Variants in XRN1 observed in about 807,000 individuals in gnomAD.
The protein encoded by XRN1 is 5'-3' exoribonuclease 1, also known as strand-exchange protein 1 homolog.
XRN1 carries 67 observed loss-of-function variants against 222.3 expected under a neutral mutation model. That is an observed-to-expected ratio of 0.30 (90% CI 0.25 to 0.37). XRN1 has a LOEUF of 0.37. XRN1 is among the 10% of genes least tolerant of loss of function. XRN1 has a pLI of 1.00. For synonymous variants in XRN1, 643 were observed against 652.4 expected (o/e 0.99, Z 0.22); for missense variants, 1,707 against 2,000.2 (o/e 0.85, Z 2.80).
At chr3:142,350,178 G>A (rs1042540120) in intron 32 of XRN1, among the ~76,000 whole-genome samples, 15 of 152,166 alleles carry the variant, frequency 9.9e-5, no homozygotes, top group African/African-American at 3.6e-4. Context: ...CCCTGGAGCT[G>A]TATATATTCC....
chr3:142,337,611 G>A (rs939099981), intron 33 of XRN1, among the ~76,000 whole-genome samples: 2 of 152,138 alleles, frequency 1.3e-5, no homozygotes, highest in Non-Finnish European at 2.9e-5. Flanking sequence ...AACTGTGCCT[G>A]AACACAGTAG....
At chr3:142,371,422 T>C in intron 25 of XRN1, 94 bp from the exon 26 acceptor site, 3 of 893,310 alleles carry the variant, frequency 3.4e-6, no homozygotes, top group Admixed American at 2.6e-5. Flanking sequence ...AAGAAACATA[T>C]AAAGCTTATT....
chr3:142,368,395 C>T (rs146907210), intron 27 of XRN1, among the ~76,000 whole-genome samples: 1,638 of 152,156 alleles, frequency 0.011, 22 homozygotes, highest in African/African-American at 0.036. Context: ...GTGATCCACC[C>T]GCCTTGGCCT....
intron 39 of XRN1, among the ~76,000 whole-genome samples, chr3:142,316,880 C>A (rs756899807): frequency 6.6e-6 from 1 of 151,448 alleles, no homozygotes; most frequent in Admixed American, 6.6e-5. Flanking sequence ...CCAGCCTGGG[C>A]AACATAGTGA....
rs1212095008 is a variant in XRN1 at position 142,310,811 on chromosome 3, T to C, written c.*700A>G. On this transcript the variant is annotated 3_prime_UTR_variant, in exon 41 of 41. Transcript: ENST00000392981. ...GCTGGTTCTTGAGTAACCTAAAAAA[T>C]TGTATTTACTCAAATTTAGAATGCT... 1 of 152,594 alleles carries C rather than the reference T, an allele frequency of 6.6e-6. No homozygotes were observed. Among genetic ancestry groups the C allele is most frequent in the African/African-American group, 2.4e-5 (1 of 41,440 alleles). 9.5% of individuals were successfully genotyped at this position (152,594 alleles called of 1,614,324 possible). A position where few individuals can be genotyped will look rare whatever the true frequency, so the allele number is the denominator to read the frequency against.
chr3:142,420,958 A>G lies in XRN1; in HGVS notation c.1173+58T>C. 12 of 1,599,310 alleles carry G rather than the reference A, an allele frequency of 7.5e-6. No homozygotes were observed. The South Asian group carries it at 1.3e-4, about 18-fold the overall frequency. On this transcript the variant is annotated intron_variant, in intron 10 of 40. Coordinates refer to ENST00000392981, the MANE Select transcript of XRN1 (RefSeq NM_001282857.2). ...ATAAGAAGGAAAATGAGAAACAAAGAATATAATTTTTGCCTTTACAGTTAA... is the reference window on the plus strand; with the variant it reads ...ATAAGAAGGAAAATGAGAAACAAAGGATATAATTTTTGCCTTTACAGTTAA...
intron 25 of XRN1, among the ~76,000 whole-genome samples, chr3:142,375,488 C>A (rs1161325710): frequency 6.6e-6 from 1 of 152,098 alleles, no homozygotes; most frequent in Non-Finnish European, 1.5e-5. Flanking sequence ...TTTGTTTATC[C>A]ATATCAGTTC....
At chr3:142,394,888 G>C (rs150709754) in intron 20 of XRN1, among the ~76,000 whole-genome samples, 2 of 152,284 alleles carry the variant, frequency 1.3e-5, no homozygotes, top group African/African-American at 2.4e-5. Flanking sequence ...TATGTGCTTA[G>C]AGGGTTTCTC....
intron 25 of XRN1, among the ~76,000 whole-genome samples, chr3:142,374,899 C>G (rs1360546209): frequency 6.6e-6 from 1 of 152,128 alleles, no homozygotes; most frequent in Non-Finnish European, 1.5e-5. Flanking sequence ...TCTGATCTGA[C>G]TGGTGTTCTT....
chr3:142,319,187 T>C (rs1481268742), intron 37 of XRN1, among the ~76,000 whole-genome samples: 1 of 152,136 alleles, frequency 6.6e-6, no homozygotes, highest in Non-Finnish European at 1.5e-5. Context: ...AACTATGGAG[T>C]TCTGCCTCTT....
At chr3:142,368,161 T>G (rs375510062) in intron 27 of XRN1, among the ~76,000 whole-genome samples, 1 of 151,788 alleles carries the variant, frequency 6.6e-6, no homozygotes, top group East Asian at 1.9e-4. Context: ...CATATATATA[T>G]AAAATGATAT....
intron 2 of XRN1, among the ~76,000 whole-genome samples, chr3:142,429,292 GACC>G (rs2069413009): frequency 6.6e-6 from 1 of 151,320 alleles, no homozygotes; most frequent in African/African-American, 2.4e-5. Context: ...GATTACAGGC[GACC>G]ACCACCACAC....
chr3:142,323,017 G>A (rs1215646398), intron 37 of XRN1, among the ~76,000 whole-genome samples: 2 of 152,044 alleles, frequency 1.3e-5, no homozygotes, highest in African/African-American at 4.8e-5. Context: ...ATAAAGAGAT[G>A]AGGTCTTGCC....
intron 20 of XRN1, among the ~76,000 whole-genome samples, chr3:142,391,387 C>G (rs2067704956): frequency 6.6e-6 from 1 of 152,050 alleles, no homozygotes; most frequent in Non-Finnish European, 1.5e-5. Flanking sequence ...TTTACTTTTT[C>G]TTTTACTATA....
intron 1 of XRN1, among the ~76,000 whole-genome samples, chr3:142,443,714 C>T (rs775024924): frequency 1.3e-5 from 2 of 152,216 alleles, no homozygotes; most frequent in Non-Finnish European, 2.9e-5. Flanking sequence ...TCCCAGCAAC[C>T]CCACTGCTAT....
chr3:142,418,445 G>A, intron 12 of XRN1, 59 bp downstream of exon 12: 1 of 1,364,688 alleles, frequency 7.3e-7, no homozygotes, highest in Non-Finnish European at 1.0e-6. Context: ...CATATTTTCT[G>A]AATAACTGCA....
At chr3:142,386,617 C>T (rs1306238071) in intron 20 of XRN1, among the ~76,000 whole-genome samples, 1 of 151,896 alleles carries the variant, frequency 6.6e-6, no homozygotes, top group Non-Finnish European at 1.5e-5. Flanking sequence ...CACAATAAGC[C>T]AGTAAGAAAA....
chr3:142,322,932 G>A (rs2065400359), intron 37 of XRN1, among the ~76,000 whole-genome samples: 1 of 152,110 alleles, frequency 6.6e-6, no homozygotes, highest in Non-Finnish European at 1.5e-5. Context: ...GAACCCGGGA[G>A]GCGGAGGTTG....
At chr3:142,313,843 T>C (rs986654646) in intron 39 of XRN1, among the ~76,000 whole-genome samples, 5 of 152,050 alleles carry the variant, frequency 3.3e-5, no homozygotes, top group African/African-American at 9.7e-5. Context: ...AGGAGGCTAA[T>C]GTGTGAGGAT....
Sources: gnomAD v4.1 joint callset for allele counts (sites outside exome capture counted in the v4.1 genomes callset) on GRCh38, gnomAD v4.1.1 for gene constraint, MANE v1.5 for transcripts, NCBI Gene and HGNC (gene_info 2026-07-23, HGNC 2026-07-21) for gene names.